FOXK1: variants seen among roughly 807,000 people sequenced by gnomAD.
FOXK1 encodes forkhead box protein K1.
Under a neutral mutation model 51.9 loss-of-function variants are expected in FOXK1, and 19 were observed. That is an observed-to-expected ratio of 0.37 (90% CI 0.26 to 0.54). The LOEUF (loss-of-function observed/expected upper bound fraction) is 0.54. FOXK1 is among the 20% of genes least tolerant of loss of function. The pLI is 0.87. For synonymous variants in FOXK1, 537 were observed against 482.6 expected (o/e 1.11, Z -1.48); for missense variants, 870 against 1,032.7 (o/e 0.84, Z 2.16).
chr7:4,687,223 C>T (rs761593682), intron 1 of FOXK1, among the ~76,000 whole-genome samples: 6 of 152,152 alleles, frequency 3.9e-5, no homozygotes, highest in Non-Finnish European at 5.9e-5. Flanking sequence ...TGAGCCACCA[C>T]GCCCGGCCTT....
At chr7:4,751,723 C>T (rs1360840911) in intron 2 of FOXK1, among the ~76,000 whole-genome samples, 1 of 152,232 alleles carries the variant, frequency 6.6e-6, no homozygotes, top group African/African-American at 2.4e-5. Context: ...CACATGTGGT[C>T]CCTCAGCCCA....
chr7:4,736,238 C>T (rs759667947), intron 1 of FOXK1, among the ~76,000 whole-genome samples: 1 of 152,118 alleles, frequency 6.6e-6, no homozygotes. Flanking sequence ...ATCACTGTTA[C>T]GGCAGATACT....
intron 1 of FOXK1, among the ~76,000 whole-genome samples, chr7:4,688,061 G>T (rs1270466386): frequency 6.6e-6 from 1 of 151,992 alleles, no homozygotes; most frequent in African/African-American, 2.4e-5. Flanking sequence ...TTTTATCATG[G>T]ACAATTTCAA....
intron 1 of FOXK1, among the ~76,000 whole-genome samples, chr7:4,705,258 G>T (rs1359344156): frequency 6.6e-6 from 1 of 152,058 alleles, no homozygotes; most frequent in Non-Finnish European, 1.5e-5. Flanking sequence ...CATGATCACA[G>T]CTCACTGCAG....
rs776143665 is a variant in FOXK1, at chr7:4,757,074, C to T, written c.1131C>T (p.Ser377=). The T allele has an allele frequency of 1.4e-5, 22 of 1,613,802 alleles. No homozygotes were observed. The highest frequency in any genetic ancestry group is 1.2e-4 in the African/African-American group (9 of 74,918). The change falls in exon 5 of 9, where the codon TCC becomes TCT. Residue 377 remains serine, a synonymous_variant. Coordinates refer to ENST00000328914, the MANE Select transcript of FOXK1 (RefSeq NM_001037165.2). ...CCCAGGAGGAGCCTGGGAAGGGGTC[C>T]TTTTGGCGAATAGACCCTGCCTCTG... ...PRSQEEPGKG[S]FWRIDPASEA...
rs1398004878 is a variant in FOXK1 at position 4,753,064 on chromosome 7, C to A, written c.747-1395C>A. Among the ~76,000 whole-genome samples the A allele has an allele frequency of 6.6e-6, 1 of 152,208 alleles. No individual in the cohort carries two copies. Among genetic ancestry groups the A allele is most frequent in the Admixed American group, 6.5e-5 (1 of 15,272 alleles). ...TTCGACACGTGTGGAACTTACCTAT[C>A]TCTGCCATATTTGGGGAGTCCGTTG... is the stretch of plus-strand genomic sequence containing the variant. On this transcript the variant is annotated intron_variant, in intron 2 of 8. Transcript: ENST00000328914. The surrounding 1 kb of genome is among the most constrained non-coding windows in gnomAD (Gnocchi z 4.9).
At chr7:4,708,345 C>T (rs905641634) in intron 1 of FOXK1, among the ~76,000 whole-genome samples, 5 of 152,112 alleles carry the variant, frequency 3.3e-5, no homozygotes, top group African/African-American at 1.2e-4. Context: ...TGGAAGCCCC[C>T]GTGGATCGGG....
chr7:4,732,848 T>TA (rs1197242859), intron 1 of FOXK1, among the ~76,000 whole-genome samples: 1 of 152,226 alleles, frequency 6.6e-6, no homozygotes. Context: ...GCACGCCCCT[T>TA]ACACGTGTGC....
chr7:4,758,977 G>A lies in FOXK1; in HGVS notation c.1245-74G>A. ...CGTGGGCGGGTGACGGCGCTGAGAT[G>A]CGTGATGTCTCGGAAACGTCCTCGC... On this transcript the variant is annotated intron_variant, in intron 5 of 8. Coordinates refer to ENST00000328914, the MANE Select transcript of FOXK1 (RefSeq NM_001037165.2). This position sits in a 1 kb window ranked among gnomAD's most constrained non-coding sequence, Gnocchi z 4.4. 2.7e-6 allele frequency: 4 copies of A among 1,476,818 alleles called. No individual in the cohort carries two copies. Among genetic ancestry groups the A allele is most frequent in the Non-Finnish European group, 3.6e-6 (4 of 1,106,528 alleles). 91.5% of individuals were successfully genotyped at this position (1,476,818 alleles called of 1,614,324 possible).
In FOXK1 at chr7:4,756,717, A is replaced by G. The variant is rs575549866; in HGVS notation, c.1051-277A>G. Reference sequence around the variant, plus strand: ...GAGGCGGAACTTGCAGTGAGCCGAGATCGTGCCACTGCACTCCATCCTGGG... The same window carrying G: ...GAGGCGGAACTTGCAGTGAGCCGAGGTCGTGCCACTGCACTCCATCCTGGG... On this transcript the variant is annotated intron_variant, in intron 4 of 8. Transcript: ENST00000328914. The surrounding 1 kb of genome is among the most constrained non-coding windows in gnomAD (Gnocchi z 4.1). Among the ~76,000 whole-genome samples, 1 of 151,754 alleles carries G rather than the reference A, an allele frequency of 6.6e-6. No individual in the cohort carries two copies. The highest frequency in any genetic ancestry group is 2.1e-4 in the South Asian group (1 of 4,806).
chr7:4,722,579 ACT>A lies in FOXK1; in HGVS notation c.561-18257_561-18256del, dbSNP rs1398053209. Among the ~76,000 whole-genome samples the A allele has an allele frequency of 2.6e-5, 4 of 152,224 alleles. No individual in the cohort carries two copies. Among genetic ancestry groups the A allele is most frequent in the African/African-American group, 9.6e-5 (4 of 41,456 alleles). On this transcript the variant is annotated intron_variant, in intron 1 of 8. Transcript: ENST00000328914. The surrounding 1 kb of genome is among the most constrained non-coding windows in gnomAD (Gnocchi z 5.1). ...GCACACCTGCGTGCAGCACGGGCACACTCGTATACAACGGGCACACATGCACG... is the reference window on the plus strand; with the variant it reads ...GCACACCTGCGTGCAGCACGGGCACACGTATACAACGGGCACACATGCACG...
At chr7:4,717,821 C>T (rs1005955361) in intron 1 of FOXK1, among the ~76,000 whole-genome samples, 5 of 152,208 alleles carry the variant, frequency 3.3e-5, no homozygotes, top group African/African-American at 9.6e-5. Context: ...CACACTAGTC[C>T]ATGCTCCAGG....
Position 4,730,800 on chromosome 7 carries a change from T to A in FOXK1, c.561-10038T>A, listed in dbSNP as rs1179115552. Among the ~76,000 whole-genome samples, 1 of 152,224 alleles carries A rather than the reference T, an allele frequency of 6.6e-6. No individual in the cohort carries two copies. The highest frequency in any genetic ancestry group is 1.5e-5 in the Non-Finnish European group (1 of 68,040). On this transcript the variant is annotated intron_variant, in intron 1 of 8. Coordinates refer to ENST00000328914, the MANE Select transcript of FOXK1 (RefSeq NM_001037165.2). The surrounding 1 kb of genome is among the most constrained non-coding windows in gnomAD (Gnocchi z 4.7). Reference sequence around the variant, plus strand: ...TTCCATTTTTAATAGAAAGACAGTATTTTAGGTTAAAAAATTTAAGGTTGT... The same window carrying A: ...TTCCATTTTTAATAGAAAGACAGTAATTTAGGTTAAAAAATTTAAGGTTGT...
intron 1 of FOXK1, among the ~76,000 whole-genome samples, chr7:4,705,554 T>TCTCG (rs1554249289): frequency 2.4e-3 from 319 of 131,550 alleles, no homozygotes; most frequent in African/African-American, 9.0e-3. Flanking sequence ...TCTCTCTCTC[T>TCTCG]CTCTCGCTCT....
rs1319199291 is a variant in FOXK1, at chr7:4,711,649, G to A, written c.560+28781G>A. Among the ~76,000 whole-genome samples the A allele has an allele frequency of 2.6e-5, 4 of 152,106 alleles. No individual in the cohort carries two copies. The highest frequency in any genetic ancestry group is 2.0e-4 in the Admixed American group (3 of 15,260). On this transcript the variant is annotated intron_variant, in intron 1 of 8. Transcript: ENST00000328914. The surrounding 1 kb of genome is among the most constrained non-coding windows in gnomAD (Gnocchi z 6.3). ...GGCGGTAGTGAGAATAATTACTAAG[G>A]GCGTCATACCCTCTCGTATCTGCAT... is the stretch of plus-strand genomic sequence containing the variant.
Position 4,748,803 on chromosome 7 carries a change from C to G in FOXK1, c.747-5656C>G, listed in dbSNP as rs112347937. ...AAGCGAGCCTCCTGCCTCAGCCTCC[C>G]GAGTAGTAGGGACTACAGGTGTGCA... On this transcript the variant is annotated intron_variant, in intron 2 of 8. Transcript: ENST00000328914. This position sits in a 1 kb window ranked among gnomAD's most constrained non-coding sequence, Gnocchi z 4.9. Among the ~76,000 whole-genome samples the G allele has an allele frequency of 1.3e-5, 2 of 152,196 alleles. No individual in the cohort carries two copies. The highest frequency in any genetic ancestry group is 2.9e-5 in the Non-Finnish European group (2 of 68,032).
rs1222847354 is a variant in FOXK1, at chr7:4,763,365, T to C, written c.*901T>C. Reference sequence around the variant, plus strand: ...AGACCAGACCTTCCCGAATTATCCGTGGCTCCGATGTCCCGGTGCTGACGG... The same window carrying C: ...AGACCAGACCTTCCCGAATTATCCGCGGCTCCGATGTCCCGGTGCTGACGG... On this transcript the variant is annotated 3_prime_UTR_variant, in exon 9 of 9. Transcript: ENST00000328914. The C allele has an allele frequency of 1.3e-5, 2 of 152,308 alleles. No individual in the cohort carries two copies. The highest frequency in any genetic ancestry group is 2.9e-5 in the Non-Finnish European group (2 of 68,096). 9.4% of individuals were successfully genotyped at this position (152,308 alleles called of 1,614,324 possible).
chr7:4,725,135 C>T (rs1050938026), intron 1 of FOXK1, among the ~76,000 whole-genome samples: 6 of 152,242 alleles, frequency 3.9e-5, no homozygotes, highest in Non-Finnish European at 8.8e-5. Flanking sequence ...GTGCTGTGCT[C>T]TCTCGCAGTT....
chr7:4,721,534 G>C (rs1170593024), intron 1 of FOXK1, among the ~76,000 whole-genome samples: 1 of 151,406 alleles, frequency 6.6e-6, no homozygotes, highest in Non-Finnish European at 1.5e-5. Flanking sequence ...CCAATGATAA[G>C]AGCTCACAGA....
Sources: allele counts gnomAD v4.1 joint callset (sites outside exome capture counted in the v4.1 genomes callset), GRCh38; gene constraint gnomAD v4.1.1; non-coding constraint Gnocchi (gnomAD v3.1); transcripts MANE v1.5; gene names NCBI Gene and HGNC (gene_info 2026-07-23, HGNC 2026-07-21).